Variants in PTPRD observed in about 807,000 individuals in gnomAD.
PTPRD encodes the protein receptor-type tyrosine-protein phosphatase delta.
PTPRD carries 34 observed loss-of-function variants against 214.5 expected under a neutral mutation model. The observed-to-expected ratio is 0.16, with a 90% CI of 0.12 to 0.21. PTPRD has a LOEUF of 0.21. Among genes scored for constraint, PTPRD ranks in the 10% least tolerant of loss-of-function variants. The probability of loss-of-function intolerance (pLI) is 1.00; values close to 1 mark genes in which losing one functional copy is unlikely to be tolerated. For synonymous variants in PTPRD, 1,128 were observed against 845.7 expected, an observed-to-expected ratio of 1.33 and a Z score of -5.79; for missense variants, 2,545 against 2,398.7, an observed-to-expected ratio of 1.06 and a Z score of -1.27.
At chr9:9,549,161 G>A (rs981993879) in intron 8 of PTPRD, among the ~76,000 whole-genome samples, 4 of 151,820 alleles carry the variant, frequency 2.6e-5, no homozygotes, top group South Asian at 2.1e-4. Context: ...CTTAAAACTC[G>A]GGCTTAATCA....
intron 9 of PTPRD, among the ~76,000 whole-genome samples, chr9:9,188,779 C>G (rs2099933244): frequency 6.6e-6 from 1 of 151,324 alleles, no homozygotes; most frequent in Admixed American, 6.6e-5. Flanking sequence ...GGACGTCAAC[C>G]TGGTCACAGA....
chr9:10,594,142 G>A (rs1380864028), intron 2 of PTPRD, among the ~76,000 whole-genome samples: 1 of 151,892 alleles, frequency 6.6e-6, no homozygotes, highest in East Asian at 2.0e-4. Context: ...CTGTTATGTA[G>A]AATATGCCTA....
chr9:9,606,361 A>G (rs2094152748), intron 7 of PTPRD, among the ~76,000 whole-genome samples: 1 of 152,070 alleles, frequency 6.6e-6, no homozygotes, highest in South Asian at 2.1e-4. Context: ...TCTTAAAACA[A>G]CAGCAATTTC....
intron 4 of PTPRD, among the ~76,000 whole-genome samples, chr9:9,979,186 C>A (rs1323319356): frequency 6.6e-6 from 1 of 151,648 alleles, no homozygotes; most frequent in African/African-American, 2.4e-5. Flanking sequence ...TAGATTTATA[C>A]AAAGAAAGAG....
intron 7 of PTPRD, among the ~76,000 whole-genome samples, chr9:9,618,998 T>A (rs944952133): frequency 6.6e-6 from 1 of 152,104 alleles, no homozygotes; most frequent in African/African-American, 2.4e-5. Context: ...GCAAGAAGAA[T>A]GTTTCTGAAA....
intron 11 of PTPRD, among the ~76,000 whole-genome samples, chr9:8,974,510 C>A (rs895343892): frequency 6.6e-6 from 1 of 151,968 alleles, no homozygotes. Context: ...AACCCATCAT[C>A]TAGGATATGC....
At chr9:9,737,645 A>G (rs1266521657) in intron 6 of PTPRD, among the ~76,000 whole-genome samples, 1 of 152,162 alleles carries the variant, frequency 6.6e-6, no homozygotes, top group Non-Finnish European at 1.5e-5. Flanking sequence ...TTTAAAGTCC[A>G]TTTATACTGT....
At chr9:8,815,108 G>GTTT in intron 11 of PTPRD, among the ~76,000 whole-genome samples, 1 of 146,360 alleles carries the variant, frequency 6.8e-6, no homozygotes, top group African/African-American at 2.5e-5. Context: ...ATATAATTTA[G>GTTT]TTTTTTTTTT....
intron 5 of PTPRD, among the ~76,000 whole-genome samples, chr9:9,786,703 C>A (rs778557447): frequency 2.6e-5 from 4 of 152,096 alleles, no homozygotes; most frequent in Non-Finnish European, 5.9e-5. Context: ...AGCACACCAA[C>A]ATGGCACATG....
chr9:10,195,888 G>A (rs1470686612), intron 3 of PTPRD, among the ~76,000 whole-genome samples: 1 of 152,076 alleles, frequency 6.6e-6, no homozygotes, highest in Non-Finnish European at 1.5e-5. Context: ...TTAAGTAAAA[G>A]TAGCCAGACA....
chr9:9,956,612 C>G (rs923610582), intron 4 of PTPRD, among the ~76,000 whole-genome samples: 5 of 151,942 alleles, frequency 3.3e-5, no homozygotes, highest in African/African-American at 1.2e-4. Context: ...GTATTAAATA[C>G]TTATTCTTCA....
intron 14 of PTPRD, among the ~76,000 whole-genome samples, chr9:8,626,458 C>T (rs182240188): frequency 6.6e-6 from 1 of 151,916 alleles, no homozygotes; most frequent in East Asian, 1.9e-4. Flanking sequence ...ATTGTTTATA[C>T]CCACCTGTAA....
intron 9 of PTPRD, among the ~76,000 whole-genome samples, chr9:9,375,820 T>C (rs1411050936): frequency 6.6e-6 from 1 of 152,062 alleles, no homozygotes; most frequent in African/African-American, 2.4e-5. Flanking sequence ...TTAATGGATA[T>C]GAAAAGTCAG....
intron 11 of PTPRD, among the ~76,000 whole-genome samples, chr9:9,006,083 C>T (rs1232512235): frequency 2.0e-5 from 3 of 151,906 alleles, no homozygotes; most frequent in Admixed American, 6.6e-5. Flanking sequence ...CATAAGATGG[C>T]TGTTGTCTGG....
chr9:9,493,645 G>A (rs981987644), intron 8 of PTPRD, among the ~76,000 whole-genome samples: 12 of 151,782 alleles, frequency 7.9e-5, no homozygotes, highest in South Asian at 2.1e-4. Flanking sequence ...AAAATTAGCC[G>A]GGTGTGGTGG....
At chr9:10,354,415 A>T (rs1163910785) in intron 2 of PTPRD, among the ~76,000 whole-genome samples, 1 of 152,142 alleles carries the variant, frequency 6.6e-6, no homozygotes, top group Non-Finnish European at 1.5e-5. Flanking sequence ...TTTAGGTTCA[A>T]ATTCCCAAAT....
intron 12 of PTPRD, among the ~76,000 whole-genome samples, chr9:8,726,928 G>A (rs2098586121): frequency 6.6e-6 from 1 of 151,558 alleles, no homozygotes; most frequent in Non-Finnish European, 1.5e-5. Context: ...CGGAGACTGT[G>A]CCACTGCACT....
intron 2 of PTPRD, among the ~76,000 whole-genome samples, chr9:10,372,331 T>C (rs2097643411): frequency 6.6e-6 from 1 of 152,072 alleles, no homozygotes; most frequent in South Asian, 2.1e-4. Context: ...TTTGAGTAGG[T>C]TGTAAAAGTG....
At chr9:10,113,744 T>G (rs1377459201) in intron 3 of PTPRD, among the ~76,000 whole-genome samples, 1 of 152,190 alleles carries the variant, frequency 6.6e-6, no homozygotes, top group Admixed American at 6.5e-5. Context: ...GCCACTTTAA[T>G]GTGGACAAAG....
Sources: gnomAD v4.1 joint callset for allele counts (sites outside exome capture counted in the v4.1 genomes callset) on GRCh38, gnomAD v4.1.1 for gene constraint, MANE v1.5 for transcripts, NCBI Gene and HGNC (gene_info 2026-07-23, HGNC 2026-07-21) for gene names.